Variants in TENM4 observed in about 807,000 individuals in gnomAD.
TENM4 encodes the protein teneurin-4.
TENM4 carries 82 observed loss-of-function variants against 243.3 expected under a neutral mutation model. That is an observed-to-expected ratio of 0.34 (90% CI 0.28 to 0.40). The LOEUF (loss-of-function observed/expected upper bound fraction) is 0.40, where lower values mean the gene tolerates loss of function less well. Among genes scored for constraint, TENM4 ranks in the 10% least tolerant of loss-of-function variants. The pLI is 1.00. For synonymous variants in TENM4, 1,412 were observed against 1,456.3 expected (o/e 0.97, Z 0.69); for missense variants, 3,138 against 3,673.3 (o/e 0.85, Z 3.77).
chr11:79,136,490 A>G (rs1591307545), intron 4 of TENM4, among the ~76,000 whole-genome samples: 1 of 152,146 alleles, frequency 6.6e-6, no homozygotes, highest in Admixed American at 6.5e-5. Context: ...GGCTACAGCC[A>G]CTGCTGAGTG....
At chr11:78,821,298 T>G (rs1237764982) in intron 12 of TENM4, among the ~76,000 whole-genome samples, 3 of 152,268 alleles carry the variant, frequency 2.0e-5, no homozygotes, top group Non-Finnish European at 4.4e-5. Flanking sequence ...CCATTATGTC[T>G]GGTTCTCCAA....
At chr11:78,980,172 T>C (rs796232699) in intron 6 of TENM4, among the ~76,000 whole-genome samples, 20 of 152,356 alleles carry the variant, frequency 1.3e-4, no homozygotes, top group African/African-American at 4.6e-4. Flanking sequence ...AAGAGGAAGA[T>C]GACTTGCTAA....
At chr11:79,093,929 C>A (rs1282221174) in intron 4 of TENM4, 1 of 152,186 alleles carries the variant, frequency 6.6e-6, no homozygotes, top group Non-Finnish European at 1.5e-5. Flanking sequence ...CAGCCACCAG[C>A]CAGGCACAGG....
At chr11:79,041,063 TCTC>T (rs1376376718) in intron 6 of TENM4, among the ~76,000 whole-genome samples, 2 of 78,386 alleles carry the variant, frequency 2.6e-5, no homozygotes, top group Non-Finnish European at 5.3e-5. Context: ...CATTTGCCAT[TCTC>T]CTCTTTTTTT....
At chr11:78,871,026 T>C (rs1446764558) in intron 9 of TENM4, among the ~76,000 whole-genome samples, 1 of 152,166 alleles carries the variant, frequency 6.6e-6, no homozygotes, top group African/African-American at 2.4e-5. Flanking sequence ...CACCAACCTT[T>C]GGACTCACCT....
At chr11:78,957,867 T>C (rs908945225) in intron 6 of TENM4, among the ~76,000 whole-genome samples, 4 of 152,246 alleles carry the variant, frequency 2.6e-5, no homozygotes, top group African/African-American at 9.6e-5. Flanking sequence ...CTTGGAATTC[T>C]CTTAAAACCA....
At chr11:79,368,708 C>T (rs565947911) in intron 1 of TENM4, among the ~76,000 whole-genome samples, 2 of 152,324 alleles carry the variant, frequency 1.3e-5, no homozygotes, top group African/African-American at 2.4e-5. Flanking sequence ...ACAGCACCTA[C>T]CCCACAGGGT....
intron 19 of TENM4, among the ~76,000 whole-genome samples, chr11:78,747,442 A>G (rs1856075180): frequency 6.6e-6 from 1 of 152,212 alleles, no homozygotes; most frequent in South Asian, 2.1e-4. Context: ...GAAGGATGTG[A>G]GGTTGAGCAG....
At chr11:78,795,596 C>A (rs950458108) in intron 15 of TENM4, among the ~76,000 whole-genome samples, 1 of 152,174 alleles carries the variant, frequency 6.6e-6, no homozygotes, top group South Asian at 2.1e-4. Context: ...GCTGAGGATA[C>A]GAGATTATAT....
intron 12 of TENM4, among the ~76,000 whole-genome samples, chr11:78,815,159 G>C (rs540270062): frequency 3.3e-5 from 5 of 152,332 alleles, no homozygotes; most frequent in Non-Finnish European, 7.3e-5. Context: ...GCTGAGGCAG[G>C]TGGATTACTT....
intron 4 of TENM4, among the ~76,000 whole-genome samples, chr11:79,108,774 T>C (rs190032145): frequency 1.1e-3 from 165 of 152,280 alleles, no homozygotes; most frequent in African/African-American, 3.9e-3. Context: ...CCAGCAATAG[T>C]AGTGGCCACT....
At chr11:78,683,304 A>G (rs1296030720) in intron 29 of TENM4, among the ~76,000 whole-genome samples, 2 of 71,096 alleles carry the variant, frequency 2.8e-5, no homozygotes, top group South Asian at 3.2e-4. Context: ...GGTGGGCTCC[A>G]CCCAGTTCGA....
intron 28 of TENM4, among the ~76,000 whole-genome samples, chr11:78,698,714 C>T (rs1235458142): frequency 6.6e-6 from 1 of 152,162 alleles, no homozygotes; most frequent in Non-Finnish European, 1.5e-5. Context: ...TTTTAGTCCT[C>T]ATAATAGCCC....
At chr11:79,439,415 C>T (rs1363704484) in intron 1 of TENM4, among the ~76,000 whole-genome samples, 4 of 152,224 alleles carry the variant, frequency 2.6e-5, no homozygotes, top group African/African-American at 7.2e-5. Flanking sequence ...TACACTCATC[C>T]ACATGGACGC....
intron 4 of TENM4, among the ~76,000 whole-genome samples, chr11:79,088,116 C>T (rs970023259): frequency 3.3e-5 from 5 of 152,226 alleles, no homozygotes; most frequent in African/African-American, 1.2e-4. Flanking sequence ...GCCTGTCACT[C>T]CATCGGTTCT....
chr11:78,839,669 G>A (rs747137119), intron 12 of TENM4, among the ~76,000 whole-genome samples: 8 of 151,602 alleles, frequency 5.3e-5, no homozygotes, highest in African/African-American at 1.2e-4. Flanking sequence ...CTAACTAATC[G>A]GTGCACCTTA....
chr11:79,016,757 T>C (rs920408450), intron 6 of TENM4, among the ~76,000 whole-genome samples: 30 of 152,192 alleles, frequency 2.0e-4, no homozygotes, highest in Admixed American at 1.9e-3. Flanking sequence ...GAGGAAGTCT[T>C]TGGGGGAAGC....
At chr11:79,353,466 TC>T (rs1221988397) in intron 1 of TENM4, among the ~76,000 whole-genome samples, 2 of 152,166 alleles carry the variant, frequency 1.3e-5, no homozygotes, top group Non-Finnish European at 2.9e-5. Context: ...AAAATAGTTT[TC>T]GCCTTGAACC....
At chr11:79,161,938 C>T (rs932178243) in intron 3 of TENM4, among the ~76,000 whole-genome samples, 2 of 152,202 alleles carry the variant, frequency 1.3e-5, no homozygotes, top group African/African-American at 2.4e-5. Context: ...ACTATCATTA[C>T]CCCCAGTTAC....
Sources: allele counts gnomAD v4.1 joint callset (sites outside exome capture counted in the v4.1 genomes callset), GRCh38; gene constraint gnomAD v4.1.1; transcripts MANE v1.5; gene names NCBI Gene and HGNC (gene_info 2026-07-23, HGNC 2026-07-21).